Variants in ITGA5 observed in about 807,000 individuals in gnomAD.
ITGA5 encodes integrin alpha-5.
A neutral mutation model predicts 146.3 loss-of-function variants in ITGA5; 55 were observed. The observed-to-expected ratio is 0.38, with a 90% CI of 0.30 to 0.47. ITGA5 has a LOEUF of 0.47. Ranked by LOEUF, ITGA5 falls within the 20% of genes least tolerant of loss-of-function variation. ITGA5 has a pLI of 0.99. For synonymous variants in ITGA5, 500 were observed against 531.8 expected (o/e 0.94, Z 0.82); for missense variants, 1,131 against 1,329.0 (o/e 0.85, Z 2.32).
chr12:54,408,295 C>A lies in ITGA5; in HGVS notation c.692-60G>T. On this transcript the variant is annotated intron_variant, in intron 6 of 29. Coordinates refer to ENST00000293379, the MANE Select transcript of ITGA5 (RefSeq NM_002205.5). Reference sequence around the variant, plus strand: ...GAAGTGGCAGAGGGGGCTTGGGACTCTGGGGGCTGACTGGGTAGTATTTCA... The same window carrying A: ...GAAGTGGCAGAGGGGGCTTGGGACTATGGGGGCTGACTGGGTAGTATTTCA... 1.9e-6 allele frequency: 3 copies of A among 1,586,516 alleles called. No homozygotes were observed. The South Asian group carries it at 3.4e-5, about 18-fold the overall frequency.
intron 1 of ITGA5, chr12:54,412,506 G>A (rs1955959410): frequency 6.5e-6 from 1 of 152,702 alleles, no homozygotes; most frequent in African/African-American, 2.4e-5. Flanking sequence ...CAGCAGGAGT[G>A]GAGAGAGGAG....
At position 54,399,736 on chromosome 12, in the gene ITGA5, A is replaced by C. The variant is rs138614417; in HGVS notation, c.2750T>G (p.Phe917Cys). Residue 917 changes from phenylalanine to cysteine, a missense_variant, in exon 27 of 30, where the codon TTC becomes TGC. This residue lies in a region of ITGA5 where 889 missense variants were observed against 1,021.5 expected (regional missense o/e 0.87). Transcript: ENST00000293379. ...QILKCPEAEC[F>C]RLRCELGPLH... ...GGGCCCGAGCTCACAGCGCAGCCTG[A>C]AACACTCAGCCTCCGGGCATTTCTA... The C allele has an allele frequency of 3.6e-4, 583 of 1,614,080 alleles. No homozygotes were observed. The highest frequency in any genetic ancestry group is 4.4e-4 in the Non-Finnish European group (521 of 1,180,024).
intron 13 of ITGA5, 53 bp from the exon 14 acceptor site, chr12:54,404,528 T>A: frequency 6.2e-7 from 1 of 1,601,040 alleles, no homozygotes; most frequent in East Asian, 2.2e-5. Context: ...TCAGGATCCT[T>A]TCTTCCTAAC....
intron 10 of ITGA5, 69 bp from the exon 11 acceptor site, chr12:54,405,785 G>A: frequency 1.9e-6 from 3 of 1,602,254 alleles, no homozygotes; most frequent in Admixed American, 3.3e-5. Flanking sequence ...AAGAGGGGCT[G>A]GGAAGTTGGG....
Position 54,396,134 on chromosome 12 carries a change from C to A in ITGA5, c.*159G>T. The A allele has an allele frequency of 6.6e-6, 4 of 605,434 alleles. No individual in the cohort carries two copies. The East Asian group carries it at 1.1e-4, about 17-fold the overall frequency. 37.5% of individuals were successfully genotyped at this position (605,434 alleles called of 1,614,324 possible). A position where few individuals can be genotyped will look rare whatever the true frequency, so the allele number is the denominator to read the frequency against. The stretch of plus-strand genomic sequence containing the variant: ...GGGGGGAGGGATCCCCAGCTCCTCA[C>A]CCCCCTGGCTCTGGCCCTTCAAGTA... On this transcript the variant is annotated 3_prime_UTR_variant, in exon 30 of 30. Coordinates refer to ENST00000293379, the MANE Select transcript of ITGA5 (RefSeq NM_002205.5).
intron 7 of ITGA5, 73 bp downstream of exon 7, chr12:54,408,037 G>A: frequency 6.3e-7 from 1 of 1,589,838 alleles, no homozygotes; most frequent in Non-Finnish European, 8.6e-7. Context: ...GGAGAGGGGA[G>A]GCGAGGGGGT....
chr12:54,413,967 G>C (rs1479384138), intron 1 of ITGA5, among the ~76,000 whole-genome samples: 1 of 152,226 alleles, frequency 6.6e-6, no homozygotes, highest in African/African-American at 2.4e-5. Flanking sequence ...GACACTCCTG[G>C]GGTGGCCTGA....
At chr12:54,404,081 C>T (rs902832972) in intron 15 of ITGA5, 64 bp downstream of exon 15, 4 of 1,563,898 alleles carry the variant, frequency 2.6e-6, no homozygotes, top group Non-Finnish European at 2.6e-6. Flanking sequence ...CTTTTTAAGG[C>T]AGACTTGGTG....
rs548211876 is a variant in ITGA5, at chr12:54,401,959, T to C, written c.2226+42A>G. On this transcript the variant is annotated intron_variant, in intron 21 of 29. Transcript: ENST00000293379. This position sits in a 1 kb window ranked among gnomAD's most constrained non-coding sequence, Gnocchi z 5.0. The stretch of plus-strand genomic sequence containing the variant: ...CGGCTGGCTGGTTACCGCCCTCAGG[T>C]CTGCTCTCCCTCTGTCCCATCCTCT... The C allele has an allele frequency of 4.0e-5, 64 of 1,607,172 alleles. No homozygotes were observed. The South Asian group carries it at 6.6e-4, about 17-fold the overall frequency.
In ITGA5 at chr12:54,409,535, A is replaced by C; in HGVS notation, c.412T>G (p.Ser138Ala). Residue 138 changes from serine to alanine, a missense_variant, in exon 3 of 30, where the codon TCC (serine) becomes GCC (alanine). Ser to Ala is a moderately conservative substitution (Grantham distance 99). This residue lies in a region of ITGA5 where 175 missense variants were observed against 179.3 expected (regional missense o/e 0.98). Transcript: ENST00000293379. This position sits in a 1 kb window ranked among gnomAD's most constrained non-coding sequence, Gnocchi z 4.7. ...ACTGTTGCCCCGAACCACTGCAAGG[A>C]CTTGTACTCCACAGGCTCCTCTCCC... Reference protein sequence around the residue: ...SEGEEPVEYKSLQWFGATVRA... With the variant: ...SEGEEPVEYKALQWFGATVRA... 1 of 1,614,068 alleles carries C rather than the reference A, an allele frequency of 6.2e-7. No homozygotes were observed. The highest frequency in any genetic ancestry group is 8.5e-7 in the Non-Finnish European group (1 of 1,180,004).
At chr12:54,414,494 G>A (rs1254444827) in intron 1 of ITGA5, among the ~76,000 whole-genome samples, 1 of 152,152 alleles carries the variant, frequency 6.6e-6, no homozygotes, top group African/African-American at 2.4e-5. Flanking sequence ...TGGGAACCTG[G>A]TTATCTCATG....
intron 25 of ITGA5, 137 bp downstream of exon 25, chr12:54,400,709 T>G (rs1345956593): frequency 6.7e-6 from 5 of 751,778 alleles, no homozygotes; most frequent in African/African-American, 5.3e-5. Context: ...GAGGTAACTT[T>G]GGGCCTTGTG....
intron 2 of ITGA5, 126 bp downstream of exon 2, chr12:54,411,708 C>T: frequency 1.5e-6 from 1 of 681,154 alleles, no homozygotes; most frequent in Non-Finnish European, 2.2e-6. Context: ...AGCACCAGAG[C>T]TGGTGCTGAG....
chr12:54,413,960 A>G (rs1172130824), intron 1 of ITGA5, among the ~76,000 whole-genome samples: 2 of 152,054 alleles, frequency 1.3e-5, no homozygotes, highest in East Asian at 1.9e-4. Flanking sequence ...TGAGCCTGAC[A>G]CTCCTGGGGT....
At chr12:54,397,739 C>T (rs1218214647) in intron 28 of ITGA5, among the ~76,000 whole-genome samples, 3 of 152,140 alleles carry the variant, frequency 2.0e-5, no homozygotes, top group Non-Finnish European at 4.4e-5. Context: ...GGAGCAGGCC[C>T]AAATATAGTC....
intron 7 of ITGA5, 78 bp downstream of exon 7, chr12:54,408,032 G>A: frequency 6.3e-7 from 1 of 1,580,530 alleles, no homozygotes; most frequent in Non-Finnish European, 8.6e-7. Context: ...GAGTAGGAGA[G>A]GGGAGGCGAG....
chr12:54,396,502 T>C, intron 29 of ITGA5, 126 bp from the exon 30 acceptor site: 2 of 742,850 alleles, frequency 2.7e-6, no homozygotes, highest in South Asian at 1.7e-5. Flanking sequence ...AAGTGGCCTC[T>C]GAATTCAGGC....
Position 54,403,899 on chromosome 12 carries a change from A to G in ITGA5, c.1621+12T>C. On this transcript the variant is annotated intron_variant, in intron 16 of 29. Coordinates refer to ENST00000293379, the MANE Select transcript of ITGA5 (RefSeq NM_002205.5). The surrounding 1 kb of genome is among the most constrained non-coding windows in gnomAD (Gnocchi z 4.9). ...GTCCTAGGGCCTGAGAGATCCAGGC[A>G]GTCTCCCTCACCAATGGAGTCAGCA... 1.2e-6 allele frequency: 2 copies of G among 1,613,572 alleles called. No homozygotes were observed. The highest frequency in any genetic ancestry group is 1.7e-6 in the Non-Finnish European group (2 of 1,179,458).
In ITGA5 at chr12:54,419,099, G is replaced by C; in HGVS notation, c.100C>G (p.Pro34Ala). The C allele has an allele frequency of 1.9e-6, 3 of 1,587,538 alleles. No individual in the cohort carries two copies. Among genetic ancestry groups the C allele is most frequent in the Non-Finnish European group, 2.6e-6 (3 of 1,169,966 alleles). ...AAGCCCCCGACCCTGGGTGGCGGCG[G>C]CAGCAGCAGCAACAGCAGCGGCAGC... Reference protein sequence around the residue: ...PLLPLLLLLLPPPPRVGGFNL... With the variant: ...PLLPLLLLLLAPPPRVGGFNL... Residue 34 changes from proline (P) to alanine (A), a missense_variant, in exon 1 of 30, where the codon CCG (proline) becomes GCG (alanine). Physicochemically the swap from Pro to Ala is conservative, Grantham distance 27. This residue lies in a region of ITGA5 where 175 missense variants were observed against 179.3 expected (regional missense o/e 0.98). Transcript: ENST00000293379.
Sources: allele counts gnomAD v4.1 joint callset (sites outside exome capture counted in the v4.1 genomes callset), GRCh38; gene constraint gnomAD v4.1.1; regional missense constraint gnomAD v4.1.1; non-coding constraint Gnocchi (gnomAD v3.1); transcripts MANE v1.5; gene names NCBI Gene and HGNC (gene_info 2026-07-23, HGNC 2026-07-21).